TRPC6: variants seen among roughly 807,000 people sequenced by gnomAD.
TRPC6 encodes transient receptor potential cation channel subfamily C member 6, also known as short transient receptor potential channel 6.
TRPC6 carries 55 observed loss-of-function variants against 90.7 expected under a neutral mutation model. That is an observed-to-expected ratio of 0.61 (90% CI 0.49 to 0.76). The LOEUF is 0.76. Among genes scored for constraint, TRPC6 ranks in the 30% least tolerant of loss-of-function variants. The pLI is 0.00. For missense variants in TRPC6, 989 were observed against 1,122.7 expected (o/e 0.88, Z 1.70); for synonymous variants, 393 against 393.0 (o/e 1.00, Z 0.00).
At chr11:101,471,121 C>T (rs1031736413) in intron 9 of TRPC6, 62 bp downstream of exon 9, 7 of 1,519,488 alleles carry the variant, frequency 4.6e-6, no homozygotes, top group African/African-American at 1.4e-5. Flanking sequence ...AGGGATGTGG[C>T]ATAGTGGTTA....
At chr11:101,526,170 CTCTT>C (rs758374607) in intron 1 of TRPC6, among the ~76,000 whole-genome samples, 1 of 151,952 alleles carries the variant, frequency 6.6e-6, no homozygotes, top group Non-Finnish European at 1.5e-5. Flanking sequence ...CTCTCTCTCT[CTCTT>C]TGTCCTTCTC....
At chr11:101,490,458 CATCT>C (rs1859778950) in intron 3 of TRPC6, among the ~76,000 whole-genome samples, 1 of 151,924 alleles carries the variant, frequency 6.6e-6, no homozygotes, top group Admixed American at 6.6e-5. Flanking sequence ...TCTGTCTATC[CATCT>C]ATCTATTTAT....
At chr11:101,528,375 CCT>C (rs1860831794) in intron 1 of TRPC6, among the ~76,000 whole-genome samples, 1 of 152,134 alleles carries the variant, frequency 6.6e-6, no homozygotes, top group African/African-American at 2.4e-5. Context: ...CTTGGATAAA[CCT>C]CATTGCCTAC....
At chr11:101,508,235 T>C (rs1308096278) in intron 1 of TRPC6, among the ~76,000 whole-genome samples, 1 of 152,168 alleles carries the variant, frequency 6.6e-6, no homozygotes, top group East Asian at 1.9e-4. Context: ...TATTTCATAG[T>C]AGAATTTTTC....
chr11:101,469,347 G>A, intron 10 of TRPC6, 80 bp downstream of exon 10: 1 of 705,294 alleles, frequency 1.4e-6, no homozygotes, highest in Non-Finnish European at 2.6e-6. Flanking sequence ...TGCTAAAATT[G>A]CTTCTGAACA....
chr11:101,491,338 G>T (rs1244803392), intron 3 of TRPC6: 8 of 430,100 alleles, frequency 1.9e-5, no homozygotes, highest in Non-Finnish European at 3.4e-5. Context: ...GGAGGCTGAG[G>T]CAGGAGAATG....
chr11:101,468,405 T>C (rs1859202124), intron 10 of TRPC6, among the ~76,000 whole-genome samples: 1 of 152,180 alleles, frequency 6.6e-6, no homozygotes, highest in South Asian at 2.1e-4. Flanking sequence ...AGAGGATTCC[T>C]ATGTTGTTGG....
intron 1 of TRPC6, among the ~76,000 whole-genome samples, chr11:101,539,573 G>A (rs1555009751): frequency 6.6e-6 from 1 of 151,982 alleles, no homozygotes; most frequent in Non-Finnish European, 1.5e-5. Context: ...TCATTTTTTG[G>A]TTTTACTAAA....
rs201034657 is a variant in TRPC6, at chr11:101,583,628, G to C, written c.-125C>G. 3 of 1,115,896 alleles carry C rather than the reference G, an allele frequency of 2.7e-6. No homozygotes were observed. The highest frequency in any genetic ancestry group is 6.3e-4 in the Middle Eastern group (2 of 3,192). 69.1% of individuals were successfully genotyped at this position (1,115,896 alleles called of 1,614,324 possible). ...TGGACCTGGGCAGACCGGTGCCCAG[G>C]GGACGACGGTGAAGCAGGGGGTGCA... On this transcript the variant is annotated 5_prime_UTR_variant, in exon 1 of 13. Coordinates refer to ENST00000344327, the MANE Select transcript of TRPC6 (RefSeq NM_004621.6).
chr11:101,499,552 G>C (rs1175403325), intron 2 of TRPC6, among the ~76,000 whole-genome samples: 1 of 133,900 alleles, frequency 7.5e-6, no homozygotes, highest in Non-Finnish European at 1.6e-5. Flanking sequence ...CTAATTTTTA[G>C]CTACATATAT....
At chr11:101,484,787 G>A (rs1024112359) in intron 4 of TRPC6, among the ~76,000 whole-genome samples, 3 of 151,778 alleles carry the variant, frequency 2.0e-5, no homozygotes, top group South Asian at 2.1e-4. Context: ...AAATCATGCC[G>A]AGATTACTTA....
At chr11:101,529,876 C>T (rs935153872) in intron 1 of TRPC6, among the ~76,000 whole-genome samples, 2 of 152,208 alleles carry the variant, frequency 1.3e-5, no homozygotes, top group African/African-American at 4.8e-5. Flanking sequence ...AGGGCAGGCC[C>T]ACACTTGGGT....
chr11:101,530,697 G>A (rs1320666892), intron 1 of TRPC6, among the ~76,000 whole-genome samples: 1 of 152,056 alleles, frequency 6.6e-6, no homozygotes, highest in Non-Finnish European at 1.5e-5. Context: ...TCTGCCCAGG[G>A]ACCAAACAAT....
intron 2 of TRPC6, among the ~76,000 whole-genome samples, chr11:101,499,622 C>CAATATAAAATGTATATATATATATGT (rs1466113112): frequency 1.5e-5 from 1 of 67,654 alleles, no homozygotes. Flanking sequence ...TATATATACA[C>CAATATAAAATGTATATATATATATGT]ACACAATATA....
chr11:101,537,131 C>T (rs140260745), intron 1 of TRPC6, among the ~76,000 whole-genome samples: 75 of 152,250 alleles, frequency 4.9e-4, no homozygotes, highest in Non-Finnish European at 6.6e-4. Context: ...GACTTTGAAC[C>T]GCACTTTGTT....
chr11:101,471,480 C>T (rs1182221009), intron 8 of TRPC6, 94 bp from the exon 9 acceptor site: 2 of 1,288,690 alleles, frequency 1.6e-6, no homozygotes, highest in Non-Finnish European at 2.2e-6. Flanking sequence ...AGGACAATGC[C>T]TATAAACACT....
intron 1 of TRPC6, among the ~76,000 whole-genome samples, chr11:101,520,985 A>G (rs1196739476): frequency 1.3e-5 from 2 of 152,236 alleles, no homozygotes; most frequent in Non-Finnish European, 2.9e-5. Context: ...AAAGGGAGGC[A>G]GAGCATAAAA....
intron 1 of TRPC6, among the ~76,000 whole-genome samples, chr11:101,580,239 C>A (rs188564338): frequency 1.3e-5 from 2 of 152,206 alleles, no homozygotes; most frequent in Admixed American, 1.3e-4. Context: ...GTCTGGGATT[C>A]TTCCCCAAGT....
chr11:101,575,915 A>G (rs1346316830), intron 1 of TRPC6, among the ~76,000 whole-genome samples: 1 of 152,158 alleles, frequency 6.6e-6, no homozygotes, highest in Non-Finnish European at 1.5e-5. Context: ...AAAAGGGAGA[A>G]GAGAAGGAAT....
Sources: allele counts gnomAD v4.1 joint callset (sites outside exome capture counted in the v4.1 genomes callset), GRCh38; gene constraint gnomAD v4.1.1; transcripts MANE v1.5; gene names NCBI Gene and HGNC (gene_info 2026-07-23, HGNC 2026-07-21).